The following KCNIP4 variants were observed in gnomAD, a reference collection of about 807,000 sequenced individuals.
The protein encoded by KCNIP4 is potassium voltage-gated channel interacting protein 4.
A neutral mutation model predicts 34.0 loss-of-function variants in KCNIP4; 12 were observed. The ratio of observed to expected loss-of-function variants is 0.35; its 90% CI spans 0.23 to 0.57. The LOEUF (loss-of-function observed/expected upper bound fraction) is 0.57. Among genes scored for constraint, KCNIP4 ranks in the 20% least tolerant of loss-of-function variants. KCNIP4 has a pLI of 0.83. For missense variants in KCNIP4, 238 were observed against 311.7 expected (o/e 0.76, Z 1.78); for synonymous variants, 124 against 102.2 (o/e 1.21, Z -1.29).
intron 1 of KCNIP4, among the ~76,000 whole-genome samples, chr4:21,924,779 G>C (rs747140258): frequency 5.3e-5 from 8 of 152,032 alleles, no homozygotes; most frequent in Admixed American, 2.0e-4. Flanking sequence ...GCTGCCCTAG[G>C]GTCCCTTTCC....
At chr4:20,818,642 G>C (rs1269486591) in intron 3 of KCNIP4, among the ~76,000 whole-genome samples, 2 of 152,078 alleles carry the variant, frequency 1.3e-5, no homozygotes, top group Non-Finnish European at 2.9e-5. Flanking sequence ...AGAACTGGTT[G>C]GTACTGACAC....
chr4:21,346,451 C>T (rs912845728), intron 1 of KCNIP4, among the ~76,000 whole-genome samples: 18 of 149,392 alleles, frequency 1.2e-4, no homozygotes, highest in Admixed American at 6.2e-4. Context: ...AACCAAGATT[C>T]GTAACAGAAT....
At chr4:20,831,355 C>T (rs995976977) in intron 3 of KCNIP4, among the ~76,000 whole-genome samples, 4 of 152,130 alleles carry the variant, frequency 2.6e-5, no homozygotes, top group African/African-American at 9.7e-5. Context: ...TTAAGTGGCT[C>T]TCAGTTTCAA....
At chr4:21,377,133 C>T (rs1023528656) in intron 1 of KCNIP4, among the ~76,000 whole-genome samples, 2 of 152,144 alleles carry the variant, frequency 1.3e-5, no homozygotes, top group African/African-American at 2.4e-5. Flanking sequence ...TCACAGAACT[C>T]GCTTAAGTAA....
At chr4:21,290,620 G>A (rs540432033) in intron 1 of KCNIP4, among the ~76,000 whole-genome samples, 160 of 152,310 alleles carry the variant, frequency 1.1e-3, no homozygotes, top group African/African-American at 3.6e-3. Flanking sequence ...GACTTGTGGT[G>A]AATAGATGGG....
At chr4:21,078,137 T>C (rs1745667616) in intron 1 of KCNIP4, among the ~76,000 whole-genome samples, 1 of 151,822 alleles carries the variant, frequency 6.6e-6, no homozygotes, top group Non-Finnish European at 1.5e-5. Context: ...TGATGACACA[T>C]ATTAGGAGAG....
At chr4:21,921,953 T>A (rs992677838) in intron 1 of KCNIP4, among the ~76,000 whole-genome samples, 1 of 152,176 alleles carries the variant, frequency 6.6e-6, no homozygotes, top group Non-Finnish European at 1.5e-5. Context: ...AAATGCAGCC[T>A]CCAAGGTTCT....
intron 1 of KCNIP4, among the ~76,000 whole-genome samples, chr4:21,512,245 A>G (rs1368570374): frequency 6.6e-6 from 1 of 152,162 alleles, no homozygotes; most frequent in East Asian, 1.9e-4. Flanking sequence ...ATCAGAATTG[A>G]AAGCTCATAT....
chr4:21,069,020 T>C (rs1226034182), intron 1 of KCNIP4, among the ~76,000 whole-genome samples: 1 of 152,136 alleles, frequency 6.6e-6, no homozygotes, highest in East Asian at 1.9e-4. Context: ...GTGCCTGAGA[T>C]TGTACATCTA....
In KCNIP4 at chr4:21,928,127, T is replaced by TATATACACACAC. The variant is rs141651426; in HGVS notation, c.61+20443_61+20444insGTGTGTGTATAT. 1.9e-3 allele frequency among the ~76,000 whole-genome samples: 272 copies of TATATACACACAC among 143,968 alleles called. 1 individual carries two copies. Among genetic ancestry groups the TATATACACACAC allele is most frequent in the South Asian group, 6.7e-3 (29 of 4,298 alleles). 94.4% of individuals were successfully genotyped at this position (143,968 alleles called of 152,430 possible). On this transcript the variant is annotated intron_variant, in intron 1 of 8. Coordinates refer to ENST00000382152, the MANE Select transcript of KCNIP4 (RefSeq NM_025221.6). ...ATTAGACTATATATATATATATATATACACACACACACACACACACCATAC... is the reference window on the plus strand; with the variant it reads ...ATTAGACTATATATATATATATATATATATACACACACACACACACACACACACACACCATAC...
chr4:21,185,709 A>T (rs980207832), intron 1 of KCNIP4, among the ~76,000 whole-genome samples: 1 of 152,186 alleles, frequency 6.6e-6, no homozygotes, highest in African/African-American at 2.4e-5. Flanking sequence ...GGACATTTTC[A>T]ACTAATCCTT....
intron 1 of KCNIP4, among the ~76,000 whole-genome samples, chr4:20,931,850 G>T (rs1325188127): frequency 6.6e-6 from 1 of 151,670 alleles, no homozygotes; most frequent in Admixed American, 6.6e-5. Flanking sequence ...CAGGTCTAGA[G>T]GTCTAATGTA....
chr4:21,814,992 CT>C (rs1721904553), intron 1 of KCNIP4, among the ~76,000 whole-genome samples: 1 of 152,176 alleles, frequency 6.6e-6, no homozygotes, highest in Non-Finnish European at 1.5e-5. Flanking sequence ...TTTTCAACAA[CT>C]TTATAGAATT....
intron 3 of KCNIP4, among the ~76,000 whole-genome samples, chr4:20,821,554 G>A (rs1280519805): frequency 1.3e-5 from 2 of 152,032 alleles, no homozygotes; most frequent in East Asian, 1.9e-4. Flanking sequence ...CTTTTGTGGT[G>A]ATTTCTGAGA....
At chr4:21,666,283 C>T (rs1748953672) in intron 1 of KCNIP4, among the ~76,000 whole-genome samples, 1 of 152,174 alleles carries the variant, frequency 6.6e-6, no homozygotes, top group Admixed American at 6.5e-5. Flanking sequence ...TTGTACATAA[C>T]CGTTGTTTTC....
At chr4:21,187,625 G>A (rs1244522850) in intron 1 of KCNIP4, among the ~76,000 whole-genome samples, 2 of 152,178 alleles carry the variant, frequency 1.3e-5, no homozygotes, top group South Asian at 4.1e-4. Flanking sequence ...GGAGCACATT[G>A]CCTGTAGGTC....
chr4:21,436,556 G>A (rs924480663), intron 1 of KCNIP4, among the ~76,000 whole-genome samples: 6 of 152,128 alleles, frequency 3.9e-5, no homozygotes, highest in Non-Finnish European at 7.3e-5. Context: ...CAGGTAAAGC[G>A]ATGGAGTGAC....
chr4:20,798,762 C>T (rs565705803), intron 3 of KCNIP4, among the ~76,000 whole-genome samples: 5 of 152,120 alleles, frequency 3.3e-5, no homozygotes, highest in East Asian at 1.9e-4. Context: ...AAAATAAAGA[C>T]GACCCCAGCA....
At chr4:21,059,972 A>G (rs936391611) in intron 1 of KCNIP4, among the ~76,000 whole-genome samples, 1 of 152,132 alleles carries the variant, frequency 6.6e-6, no homozygotes, top group Non-Finnish European at 1.5e-5. Context: ...ATTTTATTAT[A>G]CATATACCAG....
Sources: allele counts gnomAD v4.1 joint callset (sites outside exome capture counted in the v4.1 genomes callset), GRCh38; gene constraint gnomAD v4.1.1; transcripts MANE v1.5; gene names NCBI Gene and HGNC (gene_info 2026-07-23, HGNC 2026-07-21).